Variants in NEGR1 observed in about 807,000 individuals in gnomAD.
NEGR1 encodes neuronal growth regulator 1.
A neutral mutation model predicts 40.9 loss-of-function variants in NEGR1; 10 were observed. That is an observed-to-expected ratio of 0.24 (90% CI 0.15 to 0.42). The LOEUF is 0.42. NEGR1 is among the 10% of genes least tolerant of loss of function. The pLI, the probability that NEGR1 is intolerant of heterozygous loss-of-function variation, is 1.00. For missense variants in NEGR1, 352 were observed against 438.9 expected, an observed-to-expected ratio of 0.80 and a Z score of 1.77; for synonymous variants, 185 against 166.8, an observed-to-expected ratio of 1.11 and a Z score of -0.84.
chr1:71,700,585 A>G (rs943773846), intron 3 of NEGR1, among the ~76,000 whole-genome samples: 8 of 152,036 alleles, frequency 5.3e-5, no homozygotes, highest in Non-Finnish European at 8.8e-5. Context: ...TTAATATCTG[A>G]AAAATTCTAT....
intron 5 of NEGR1, among the ~76,000 whole-genome samples, chr1:71,608,771 G>T (rs1650149192): frequency 6.6e-6 from 1 of 152,178 alleles, no homozygotes; most frequent in African/African-American, 2.4e-5. Flanking sequence ...TTAGAGAAGG[G>T]TTGTGAACAG....
At chr1:72,129,806 C>A (rs1467839320) in intron 1 of NEGR1, among the ~76,000 whole-genome samples, 1 of 152,144 alleles carries the variant, frequency 6.6e-6, no homozygotes, top group Non-Finnish European at 1.5e-5. Context: ...TGCTTTTGTT[C>A]TCATACTCTA....
chr1:72,182,756 ATGAG>A (rs887897433), intron 1 of NEGR1, among the ~76,000 whole-genome samples: 2 of 144,684 alleles, frequency 1.4e-5, no homozygotes, highest in African/African-American at 2.6e-5. Context: ...ACTGATATAT[ATGAG>A]TATCTGTGTG....
intron 2 of NEGR1, among the ~76,000 whole-genome samples, chr1:71,838,106 T>C (rs1354048424): frequency 6.6e-6 from 1 of 152,170 alleles, no homozygotes; most frequent in African/African-American, 2.4e-5. Flanking sequence ...TTGTTTTATT[T>C]TCATGCAAAC....
intron 4 of NEGR1, among the ~76,000 whole-genome samples, chr1:71,622,998 T>C (rs192304700): frequency 2.0e-5 from 3 of 152,012 alleles, no homozygotes; most frequent in Admixed American, 1.3e-4. Context: ...AAAAAGAACA[T>C]TTAAAAAGTT....
chr1:71,975,451 T>G (rs1168105991), intron 1 of NEGR1, among the ~76,000 whole-genome samples: 1 of 152,212 alleles, frequency 6.6e-6, no homozygotes, highest in African/African-American at 2.4e-5. Flanking sequence ...AATTATGGAC[T>G]CAAACTGGAG....
Position 72,148,311 on chromosome 1 carries a change from T to C in NEGR1, c.176+134008A>G, listed in dbSNP as rs7555166. 4.8e-3 allele frequency among the ~76,000 whole-genome samples: 724 copies of C among 152,256 alleles called. 19 individuals are homozygous for C. The highest frequency in any genetic ancestry group is 0.042 in the Admixed American group (644 of 15,280). ...AACACCACATAGAAGCTGCGAAGGCTTGTGGCTTCCACCCTCTGAAGCAAC... is the reference window on the plus strand; with the variant it reads ...AACACCACATAGAAGCTGCGAAGGCCTGTGGCTTCCACCCTCTGAAGCAAC... On this transcript the variant is annotated intron_variant, in intron 1 of 6. Coordinates refer to ENST00000357731, the MANE Select transcript of NEGR1 (RefSeq NM_173808.3).
chr1:71,665,346 C>A (rs1652208218), intron 4 of NEGR1, among the ~76,000 whole-genome samples: 1 of 152,010 alleles, frequency 6.6e-6, no homozygotes, highest in African/African-American at 2.4e-5. Flanking sequence ...GGAGTTCCTG[C>A]AAAGAAAATA....
intron 3 of NEGR1, among the ~76,000 whole-genome samples, chr1:71,711,481 CAAAA>C (rs71070899): frequency 8.7e-5 from 11 of 126,638 alleles, no homozygotes; most frequent in African/African-American, 3.3e-4. Flanking sequence ...CTAAAATTTA[CAAAA>C]AAAAAAAAAA....
intron 2 of NEGR1, among the ~76,000 whole-genome samples, chr1:71,898,476 G>T (rs140975591): frequency 2.6e-5 from 4 of 152,050 alleles, no homozygotes; most frequent in Non-Finnish European, 5.9e-5. Flanking sequence ...TTAGCCGGGC[G>T]TAGTGGCGGA....
chr1:71,715,751 C>T (rs1417607292), intron 3 of NEGR1, among the ~76,000 whole-genome samples: 2 of 152,160 alleles, frequency 1.3e-5, no homozygotes, highest in Non-Finnish European at 2.9e-5. Flanking sequence ...TATCTGAGAC[C>T]ATCTCAACCT....
In NEGR1 at chr1:72,108,220, G is replaced by T. The variant is rs1649211224; in HGVS notation, c.177-172909C>A. Among the ~76,000 whole-genome samples the T allele has an allele frequency of 2.0e-5, 3 of 151,668 alleles. 1 individual carries two copies. In the East Asian group the frequency reaches 5.8e-4, roughly 29 times the overall value. On this transcript the variant is annotated intron_variant, in intron 1 of 6. Coordinates refer to ENST00000357731, the MANE Select transcript of NEGR1 (RefSeq NM_173808.3). Reference sequence around the variant, plus strand: ...AAGATGGGATATTTTATGACAAAAAGATTCAGATTTTCTGATTTTTACCAC... The same window carrying T: ...AAGATGGGATATTTTATGACAAAAATATTCAGATTTTCTGATTTTTACCAC...
At chr1:71,797,865 A>G (rs548221697) in intron 2 of NEGR1, among the ~76,000 whole-genome samples, 1 of 151,984 alleles carries the variant, frequency 6.6e-6, no homozygotes, top group South Asian at 2.1e-4. Flanking sequence ...ATTTGTGCAG[A>G]TCATTTTTAT....
At chr1:71,994,997 A>AG (rs1491271458) in intron 1 of NEGR1, among the ~76,000 whole-genome samples, 2 of 16,690 alleles carry the variant, frequency 1.2e-4, no homozygotes, top group Non-Finnish European at 2.2e-4. Context: ...AATTTACAGG[A>AG]AAAAAAAAAA....
chr1:71,810,395 AGTAAATCTT>A (rs1399019115), intron 2 of NEGR1, among the ~76,000 whole-genome samples: 1 of 152,126 alleles, frequency 6.6e-6, no homozygotes, highest in African/African-American at 2.4e-5. Flanking sequence ...CTAACCTTAT[AGTAAATCTT>A]GTAATTTTCC....
At chr1:72,146,571 T>C (rs967513148) in intron 1 of NEGR1, among the ~76,000 whole-genome samples, 1 of 152,118 alleles carries the variant, frequency 6.6e-6, no homozygotes, top group Non-Finnish European at 1.5e-5. Context: ...GCACAAGTTT[T>C]TTTTTAATAT....
intron 1 of NEGR1, among the ~76,000 whole-genome samples, chr1:72,130,727 T>C (rs2100311946): frequency 6.6e-6 from 1 of 152,308 alleles, no homozygotes; most frequent in South Asian, 2.1e-4. Flanking sequence ...CTAGCCATTC[T>C]GACCTCCTCA....
chr1:71,428,668 T>TA (rs1278551103), intron 6 of NEGR1, among the ~76,000 whole-genome samples: 1 of 148,962 alleles, frequency 6.7e-6, no homozygotes, highest in Admixed American at 6.7e-5. Context: ...TTTATTATAA[T>TA]AAATAAATTT....
At chr1:71,412,214 C>T (rs1034229660) in intron 6 of NEGR1, among the ~76,000 whole-genome samples, 1 of 152,066 alleles carries the variant, frequency 6.6e-6, no homozygotes, top group African/African-American at 2.4e-5. Context: ...TCATACAAGC[C>T]ATTTTCTGAG....
Sources: gnomAD v4.1 joint callset for allele counts (sites outside exome capture counted in the v4.1 genomes callset) on GRCh38, gnomAD v4.1.1 for gene constraint, MANE v1.5 for transcripts, NCBI Gene and HGNC (gene_info 2026-07-23, HGNC 2026-07-21) for gene names.